FHL5: variants seen among roughly 807,000 people sequenced by gnomAD.
FHL5 encodes the protein four and a half LIM domains protein 5.
FHL5 carries 33 observed loss-of-function variants against 32.0 expected under a neutral mutation model. The ratio of observed to expected loss-of-function variants is 1.03; its 90% CI spans 0.78 to 1.38. The LOEUF (loss-of-function observed/expected upper bound fraction) is 1.38, where lower values mean the gene tolerates loss of function less well. Ranked by LOEUF, FHL5 falls within the 40% of genes most tolerant of loss-of-function variation. The pLI, the probability that FHL5 is intolerant of heterozygous loss-of-function variation, is 0.00. For missense variants in FHL5, 336 were observed against 343.9 expected, an observed-to-expected ratio of 0.98 and a Z score of 0.18; for synonymous variants, 114 against 113.6, an observed-to-expected ratio of 1.00 and a Z score of -0.02.
At chr6:96,580,348 T>C (rs1178834303) in intron 1 of FHL5, among the ~76,000 whole-genome samples, 1 of 152,150 alleles carries the variant, frequency 6.6e-6, no homozygotes, top group African/African-American at 2.4e-5. Context: ...GAGTAAGATA[T>C]AATGGTTGCT....
At chr6:96,572,902 AGTTTCT>A in intron 1 of FHL5, among the ~76,000 whole-genome samples, 1 of 152,042 alleles carries the variant, frequency 6.6e-6, no homozygotes, top group South Asian at 2.1e-4. Flanking sequence ...TGCTCACCCA[AGTTTCT>A]ATTAGTTTTA....
intron 1 of FHL5, among the ~76,000 whole-genome samples, chr6:96,586,851 C>T (rs1337803088): frequency 2.6e-5 from 4 of 152,144 alleles, no homozygotes; most frequent in Admixed American, 6.6e-5. Context: ...TTGCACAGAT[C>T]AGCTGCAGAC....
chr6:96,596,023 T>G (rs1487737811), intron 1 of FHL5, among the ~76,000 whole-genome samples: 2 of 152,074 alleles, frequency 1.3e-5, no homozygotes, highest in Non-Finnish European at 2.9e-5. Context: ...TGTATGATTT[T>G]TTTTAGGCCT....
At chr6:96,577,472 A>G (rs1770607565) in intron 1 of FHL5, among the ~76,000 whole-genome samples, 1 of 152,066 alleles carries the variant, frequency 6.6e-6, no homozygotes, top group Admixed American at 6.6e-5. Context: ...CCCATACACC[A>G]CACATGTACA....
At chr6:96,573,369 G>A (rs986214548) in intron 1 of FHL5, among the ~76,000 whole-genome samples, 7 of 151,322 alleles carry the variant, frequency 4.6e-5, no homozygotes, top group African/African-American at 1.7e-4. Flanking sequence ...TAGATTCATG[G>A]GTATAATTTG....
intron 4 of FHL5, among the ~76,000 whole-genome samples, chr6:96,607,498 G>A (rs186779904): frequency 3.7e-4 from 56 of 152,154 alleles, no homozygotes; most frequent in Non-Finnish European, 1.9e-4. Context: ...ACTATGCTAA[G>A]TTATCATTAT....
At chr6:96,605,249 A>G (rs1470846163) in intron 3 of FHL5, among the ~76,000 whole-genome samples, 1 of 152,234 alleles carries the variant, frequency 6.6e-6, no homozygotes, top group Non-Finnish European at 1.5e-5. Flanking sequence ...AATCAATGGC[A>G]TCAGAAAGAG....
intron 1 of FHL5, among the ~76,000 whole-genome samples, chr6:96,599,166 G>A (rs1281310593): frequency 6.8e-6 from 1 of 146,180 alleles, no homozygotes; most frequent in East Asian, 2.1e-4. Flanking sequence ...CTCAGCTACA[G>A]AAACTATTAC....
Position 96,615,938 on chromosome 6 carries a change from A to C in FHL5, c.*166A>C. On this transcript the variant is annotated 3_prime_UTR_variant, in exon 6 of 6. Transcript: ENST00000450218. ...TCGAACTATATTCTAAGCACACAAA[A>C]AGCACAGTAGAACAGAAATGAATAT... is the stretch of plus-strand genomic sequence containing the variant. 1 of 520,130 alleles carries C rather than the reference A, an allele frequency of 1.9e-6. No homozygotes were observed. Among genetic ancestry groups the C allele is most frequent in the Non-Finnish European group, 3.3e-6 (1 of 302,416 alleles). The allele number at this position is 520,130 out of a possible 1,614,324, so 32.2% of individuals were successfully genotyped here. A position where few individuals can be genotyped will look rare whatever the true frequency, so the allele number is the denominator to read the frequency against.
chr6:96,582,105 A>G (rs1267790680), intron 1 of FHL5, among the ~76,000 whole-genome samples: 1 of 152,188 alleles, frequency 6.6e-6, no homozygotes, highest in Non-Finnish European at 1.5e-5. Flanking sequence ...GCAACCCAGC[A>G]ACTATATTGG....
At chr6:96,595,058 T>C (rs938762073) in intron 1 of FHL5, among the ~76,000 whole-genome samples, 1 of 151,960 alleles carries the variant, frequency 6.6e-6, no homozygotes, top group Non-Finnish European at 1.5e-5. Context: ...TTGCTCCTTA[T>C]TCTTTCTTTT....
chr6:96,587,260 G>A (rs574754272), intron 1 of FHL5, among the ~76,000 whole-genome samples: 3 of 152,296 alleles, frequency 2.0e-5, no homozygotes, highest in Admixed American at 6.5e-5. Context: ...GCAATTTTGT[G>A]AGAATTTCTA....
intron 1 of FHL5, among the ~76,000 whole-genome samples, chr6:96,583,426 C>T (rs959124645): frequency 6.6e-6 from 1 of 152,094 alleles, no homozygotes; most frequent in Non-Finnish European, 1.5e-5. Flanking sequence ...TCAAATTCAG[C>T]CACTCATTGC....
intron 1 of FHL5, among the ~76,000 whole-genome samples, chr6:96,593,586 C>A (rs1770966079): frequency 6.6e-6 from 1 of 152,086 alleles, no homozygotes; most frequent in Non-Finnish European, 1.5e-5. Flanking sequence ...GGAAATATCA[C>A]CTACACAATG....
intron 1 of FHL5, among the ~76,000 whole-genome samples, chr6:96,583,315 G>T (rs1770731327): frequency 6.6e-6 from 1 of 152,080 alleles, no homozygotes; most frequent in South Asian, 2.1e-4. Context: ...TTTTTCTACT[G>T]TAGAATGTGC....
chr6:96,582,532 A>G (rs1770716248), intron 1 of FHL5, among the ~76,000 whole-genome samples: 3 of 152,262 alleles, frequency 2.0e-5, no homozygotes, highest in African/African-American at 7.2e-5. Context: ...AACCATATGA[A>G]GCACTTTTTT....
At chr6:96,599,277 C>A (rs1185323895) in intron 1 of FHL5, among the ~76,000 whole-genome samples, 2 of 149,470 alleles carry the variant, frequency 1.3e-5, no homozygotes, top group Non-Finnish European at 3.0e-5. Context: ...CTCACTGCAA[C>A]CTTCACCTCC....
intron 1 of FHL5, among the ~76,000 whole-genome samples, chr6:96,593,303 T>A (rs1280928658): frequency 6.6e-6 from 1 of 152,154 alleles, no homozygotes; most frequent in Non-Finnish European, 1.5e-5. Context: ...GCTTCCTGCA[T>A]GTATGTTTCT....
chr6:96,610,808 A>G (rs1771391043), intron 5 of FHL5, 50 bp downstream of exon 5: 3 of 1,274,454 alleles, frequency 2.4e-6, no homozygotes, highest in Non-Finnish European at 3.3e-6. Context: ...TTATGACTTT[A>G]TGAAACACTA....
Sources: allele counts gnomAD v4.1 joint callset (sites outside exome capture counted in the v4.1 genomes callset), GRCh38; gene constraint gnomAD v4.1.1; transcripts MANE v1.5; gene names NCBI Gene and HGNC (gene_info 2026-07-23, HGNC 2026-07-21).